The following TBL3 variants were observed in gnomAD, a reference collection of about 807,000 sequenced individuals.
TBL3 encodes transducin beta like 3.
TBL3 carries 71 observed loss-of-function variants against 102.7 expected under a neutral mutation model. The ratio of observed to expected loss-of-function variants is 0.69; its 90% CI spans 0.57 to 0.84. TBL3 has a LOEUF of 0.84. TBL3 is among the 40% of genes least tolerant of loss of function. TBL3 has a pLI of 0.00. For synonymous variants in TBL3, 578 were observed against 477.7 expected, an observed-to-expected ratio of 1.21 and a Z score of -2.74; for missense variants, 1,188 against 1,098.5, an observed-to-expected ratio of 1.08 and a Z score of -1.15.
Position 1,975,340 on chromosome 16 carries a change from T to C in TBL3, c.712-5T>C, listed in dbSNP as rs2083392266. The stretch of plus-strand genomic sequence containing the variant: ...ATAGCAGCCTGTGACCCAATTCGTC[T>C]CCAGAGCGTGGAGGCTGCTGTGCTG... On this transcript the variant is annotated splice_region_variant and splice_polypyrimidine_tract_variant and intron_variant, in intron 8 of 21. Coordinates refer to ENST00000568546, the MANE Select transcript of TBL3 (RefSeq NM_006453.3). The C allele has an allele frequency of 2.5e-6, 4 of 1,614,018 alleles. No homozygotes were observed. The highest frequency in any genetic ancestry group is 3.3e-4 in the Middle Eastern group (2 of 6,062).
chr16:1,980,192 C>T lies in TBL3; in HGVS notation c.*1507C>T, dbSNP rs1299937112. 30 of 1,592,458 alleles carry T rather than the reference C, an allele frequency of 1.9e-5. No individual in the cohort carries two copies. Among genetic ancestry groups the T allele is most frequent in the Non-Finnish European group, 2.4e-5 (28 of 1,172,694 alleles). On this transcript the variant is annotated 3_prime_UTR_variant, in exon 22 of 22. Transcript: ENST00000568546. ...GGCAGGATCACCCGGCTGGGAAGGGCAGCCCGTACGAGTGAGAGGTAGGCG... is the reference window on the plus strand; with the variant it reads ...GGCAGGATCACCCGGCTGGGAAGGGTAGCCCGTACGAGTGAGAGGTAGGCG...
chr16:1,979,530 C>T lies in TBL3; in HGVS notation c.*845C>T. ...GCTGCTCTCGTAGGCGCGGGAAGCA[C>T]AGAACTGGGGACCTGGTGGGAGTGG... On this transcript the variant is annotated 3_prime_UTR_variant, in exon 22 of 22. Transcript: ENST00000568546. 6.2e-7 allele frequency: 1 copy of T among 1,610,638 alleles called. No homozygotes were observed. The highest frequency in any genetic ancestry group is 8.5e-7 in the Non-Finnish European group (1 of 1,178,600).
At position 1,978,870 on chromosome 16, in the gene TBL3, C is replaced by T. The variant is rs2083431531; in HGVS notation, c.*185C>T. ...CTGCCACGCCCATCCCGCACCCTGG[C>T]CTGGCAGAGATCCAGCCCGCGGCTC... is the stretch of plus-strand genomic sequence containing the variant. On this transcript the variant is annotated 3_prime_UTR_variant, in exon 22 of 22. Coordinates refer to ENST00000568546, the MANE Select transcript of TBL3 (RefSeq NM_006453.3). The T allele has an allele frequency of 1.5e-5, 16 of 1,079,858 alleles. No individual in the cohort carries two copies. The highest frequency in any genetic ancestry group is 4.5e-4 in the Middle Eastern group (2 of 4,454). The allele number at this position is 1,079,858 out of a possible 1,614,324, so 66.9% of individuals were successfully genotyped here. A position where few individuals can be genotyped will look rare whatever the true frequency, so the allele number is the denominator to read the frequency against.
At position 1,979,677 on chromosome 16, in the gene TBL3, G is replaced by T; in HGVS notation, c.*992G>T. 8.5e-7 allele frequency: 1 copy of T among 1,173,158 alleles called. No homozygotes were observed. The highest frequency in any genetic ancestry group is 1.2e-6 in the Non-Finnish European group (1 of 840,160). The allele number at this position is 1,173,158 out of a possible 1,614,324, so 72.7% of individuals were successfully genotyped here. ...AAGACCGGTTCGGGGCTTCCTCTAGGTGCGGAGACCAAGCACGGGCTCCTG... is the reference window on the plus strand; with the variant it reads ...AAGACCGGTTCGGGGCTTCCTCTAGTTGCGGAGACCAAGCACGGGCTCCTG... On this transcript the variant is annotated 3_prime_UTR_variant, in exon 22 of 22. Transcript: ENST00000568546.
rs755283356 is a variant in TBL3 at position 1,978,024 on chromosome 16, C to A, written c.2025C>A (p.Ser675=). Residue 675 remains serine, a synonymous_variant, in exon 19 of 22, where the codon TCC becomes TCA. Transcript: ENST00000568546. ...TGCGGGCGCTGGGCCTGGCCATCTC[C>A]CTGGATCGGCCCCACACCGTGCTGA... ...RYLRALGLAI[S]LDRPHTVLTV... 3.1e-6 allele frequency: 5 copies of A among 1,607,694 alleles called. No homozygotes were observed. Among genetic ancestry groups the A allele is most frequent in the Non-Finnish European group, 4.2e-6 (5 of 1,177,004 alleles).
In TBL3 at chr16:1,976,023, C is replaced by T. The variant is rs114412717; in HGVS notation, c.1130-33C>T. On this transcript the variant is annotated intron_variant, in intron 11 of 21. Transcript: ENST00000568546. ...TGCTTGCTTCCCTTCCCCCGTCTTGCTGTGTGACCTATACCTCCCCACAAC... is the reference window on the plus strand; with the variant it reads ...TGCTTGCTTCCCTTCCCCCGTCTTGTTGTGTGACCTATACCTCCCCACAAC... 241 of 1,614,188 alleles carry T rather than the reference C, an allele frequency of 1.5e-4. No individual in the cohort carries two copies. In the African/African-American group the frequency reaches 3.0e-3, roughly 20 times the overall value.
rs1381495896 is a variant in TBL3 at position 1,979,791 on chromosome 16, G to A, written c.*1106G>A. The A allele has an allele frequency of 3.2e-6, 5 of 1,544,234 alleles. No homozygotes were observed. Among genetic ancestry groups the A allele is most frequent in the Admixed American group, 1.9e-5 (1 of 51,586 alleles). ...TGAGGGGTGGGGTTAGGCGCATACC[G>A]CTGCTCCCTAGGGACGGGCCTCCCT... On this transcript the variant is annotated 3_prime_UTR_variant, in exon 22 of 22. Transcript: ENST00000568546.
intron 3 of TBL3, 36 bp from the exon 4 acceptor site, chr16:1,974,340 C>T (rs1478299583): frequency 8.2e-6 from 13 of 1,594,500 alleles, no homozygotes; most frequent in Non-Finnish European, 1.1e-5. Context: ...GGGCAGCCCA[C>T]TCACACCGTG....
At position 1,972,210 on chromosome 16, in the gene TBL3, G is replaced by T; in HGVS notation, c.41+5G>T. The T allele has an allele frequency of 7.2e-7, 1 of 1,394,370 alleles. No individual in the cohort carries two copies. Among genetic ancestry groups the T allele is most frequent in the Non-Finnish European group, 9.4e-7 (1 of 1,068,816 alleles). The allele number at this position is 1,394,370 out of a possible 1,614,324, so 86.4% of individuals were successfully genotyped here. On this transcript the variant is annotated splice_donor_5th_base_variant and intron_variant, in intron 1 of 21. Transcript: ENST00000568546. ...AGTGGGCCGCTTCAAGACCAAGTGA[G>T]CCCGGAGCTCTGGGGCCGTGCGGGG... is the stretch of plus-strand genomic sequence containing the variant.
chr16:1,980,989 C>G lies in TBL3; in HGVS notation c.*2304C>G. On this transcript the variant is annotated 3_prime_UTR_variant, in exon 22 of 22. Coordinates refer to ENST00000568546, the MANE Select transcript of TBL3 (RefSeq NM_006453.3). ...CTCCTGCGCACGAAGGTGTCGCTGC[C>G]GTCTGACCAGCGCACAGAGAAGGCA... 1 of 1,613,148 alleles carries G rather than the reference C, an allele frequency of 6.2e-7. No homozygotes were observed. Among genetic ancestry groups the G allele is most frequent in the Non-Finnish European group, 8.5e-7 (1 of 1,180,026 alleles).
In TBL3 at chr16:1,972,202, C is replaced by A; in HGVS notation, c.38C>A (p.Thr13Asn). ...ETAAGVGRFK[T>N]NYAVERKIEP... ...GCGGCCGGAGTGGGCCGCTTCAAGA[C>A]CAAGTGAGCCCGGAGCTCTGGGGCC... is the stretch of plus-strand genomic sequence containing the variant. The change falls in exon 1 of 22, where the codon ACC becomes AAC. Residue 13 changes from threonine (T) to asparagine (N), a missense_variant. Thr to Asn is a moderately conservative substitution (Grantham distance 65). Transcript: ENST00000568546. 1 of 1,403,016 alleles carries A rather than the reference C, an allele frequency of 7.1e-7. No homozygotes were observed. The highest frequency in any genetic ancestry group is 1.5e-5 in the South Asian group (1 of 64,688). The allele number at this position is 1,403,016 out of a possible 1,614,324, so 86.9% of individuals were successfully genotyped here.
rs2083494220 is a variant in TBL3, at chr16:1,980,867, AGGCAGTCCAGTG to A, written c.*2185_*2196del. ...GCCTCCAGTGGGAGTCACTGATGGG[AGGCAGTCCAGTG>A]GGAGGCAGCCGCGTGGGGAAGCCGC... On this transcript the variant is annotated 3_prime_UTR_variant, in exon 22 of 22. Transcript: ENST00000568546. 1.6e-5 allele frequency: 18 copies of A among 1,140,846 alleles called. No individual in the cohort carries two copies. The Admixed American group carries it at 4.6e-4, about 29-fold the overall frequency. 70.7% of individuals were successfully genotyped at this position (1,140,846 alleles called of 1,614,324 possible). A position where few individuals can be genotyped will look rare whatever the true frequency, so the allele number is the denominator to read the frequency against.
At chr16:1,976,723 A>G in intron 13 of TBL3, 91 bp from the exon 14 acceptor site, 1 of 1,529,502 alleles carries the variant, frequency 6.5e-7, no homozygotes, top group Non-Finnish European at 8.9e-7. Flanking sequence ...CGTGGTCTGG[A>G]CCGTGGGCTC....
rs771293002 is a variant in TBL3, at chr16:1,977,160, T to C, written c.1547T>C (p.Val516Ala). The C allele has an allele frequency of 1.4e-5, 23 of 1,612,966 alleles. No individual in the cohort carries two copies. In the South Asian group the frequency reaches 2.5e-4, roughly 18 times the overall value. ...CTGCCACAGTGCCAGCTGCTGGGTGTCTTCTCAGGCCACCGGCGTGGCCTC... is the reference window on the plus strand; with the variant it reads ...CTGCCACAGTGCCAGCTGCTGGGTGCCTTCTCAGGCCACCGGCGTGGCCTC... ...WALPQCQLLG[V>A]FSGHRRGLWC... is the part of the protein sequence containing the mutation. Residue 516 changes from valine to alanine, a missense_variant, in exon 15 of 22, where the codon GTC becomes GCC. Physicochemically the swap from Val to Ala is moderately conservative, Grantham distance 64. Transcript: ENST00000568546.
At chr16:1,973,297 C>T (rs1022786311) in intron 1 of TBL3, among the ~76,000 whole-genome samples, 6 of 151,534 alleles carry the variant, frequency 4.0e-5, no homozygotes, top group Non-Finnish European at 5.9e-5. Context: ...GGCGCAGTGG[C>T]GGGCACCTGT....
At position 1,980,214 on chromosome 16, in the gene TBL3, G is replaced by A. The variant is rs760784545; in HGVS notation, c.*1529G>A. 4 of 1,570,630 alleles carry A rather than the reference G, an allele frequency of 2.5e-6. No individual in the cohort carries two copies. Among genetic ancestry groups the A allele is most frequent in the South Asian group, 2.3e-5 (2 of 87,070 alleles). On this transcript the variant is annotated 3_prime_UTR_variant, in exon 22 of 22. Coordinates refer to ENST00000568546, the MANE Select transcript of TBL3 (RefSeq NM_006453.3). ...GGGCAGCCCGTACGAGTGAGAGGTA[G>A]GCGGATGGGGAGGGTGAAACTGGGG...
In TBL3 at chr16:1,974,208, T is replaced by C; in HGVS notation, c.105T>C (p.Thr35=). 1 of 1,594,956 alleles carries C rather than the reference T, an allele frequency of 6.3e-7. No individual in the cohort carries two copies. Reference sequence around the variant, plus strand: ...CTCTCTGTCCCCAGCTGGACCAGACTGGCCAGCACCTCTTCTGCGTCTGTG... The same window carrying C: ...CTCTCTGTCCCCAGCTGGACCAGACCGGCCAGCACCTCTTCTGCGTCTGTG... The part of the protein sequence containing the change: ...YKGGKAQLDQ[T]GQHLFCVCGT... Residue 35 remains threonine (T), a synonymous_variant, in exon 3 of 22, where the codon ACT becomes ACC. Coordinates refer to ENST00000568546, the MANE Select transcript of TBL3 (RefSeq NM_006453.3).
chr16:1,975,789 G>A lies in TBL3; in HGVS notation c.988-19G>A. The A allele has an allele frequency of 6.2e-7, 1 of 1,614,080 alleles. No homozygotes were observed. Among genetic ancestry groups the A allele is most frequent in the Non-Finnish European group, 8.5e-7 (1 of 1,180,014 alleles). On this transcript the variant is annotated intron_variant, in intron 10 of 21. Coordinates refer to ENST00000568546, the MANE Select transcript of TBL3 (RefSeq NM_006453.3). Reference sequence around the variant, plus strand: ...ACACAGGTCCTGGCTCACATCTCCTGCTCCCTGCCACCCCGCAGTTCGCTG... The same window carrying A: ...ACACAGGTCCTGGCTCACATCTCCTACTCCCTGCCACCCCGCAGTTCGCTG...
At position 1,976,796 on chromosome 16, in the gene TBL3, T is replaced by A. The variant is rs982070067; in HGVS notation, c.1293-18T>A. ...GCTGGGGCTCAGCTGTGTCTCCTCC[T>A]CTCCTGTTGGGTCACAGGCTGAAGG... On this transcript the variant is annotated intron_variant, in intron 13 of 21. Coordinates refer to ENST00000568546, the MANE Select transcript of TBL3 (RefSeq NM_006453.3). 3 of 1,612,392 alleles carry A rather than the reference T, an allele frequency of 1.9e-6. No individual in the cohort carries two copies. The highest frequency in any genetic ancestry group is 2.5e-6 in the Non-Finnish European group (3 of 1,179,818).
Sources: gnomAD v4.1 joint callset for allele counts (sites outside exome capture counted in the v4.1 genomes callset) on GRCh38, gnomAD v4.1.1 for gene constraint, MANE v1.5 for transcripts, NCBI Gene and HGNC (gene_info 2026-07-23, HGNC 2026-07-21) for gene names.